SUSD4: variants seen among roughly 807,000 people sequenced by gnomAD.
SUSD4 encodes sushi domain containing 4, also known as sushi domain-containing protein 4.
SUSD4 carries 41 observed loss-of-function variants against 50.5 expected under a neutral mutation model. That is an observed-to-expected ratio of 0.81 (90% CI 0.63 to 1.05). SUSD4 has a LOEUF of 1.05. SUSD4 is among the 50% of genes least tolerant of loss of function. SUSD4 has a pLI of 0.00. For synonymous variants in SUSD4, 257 were observed against 257.3 expected, an observed-to-expected ratio of 1.00 and a Z score of 0.01; for missense variants, 580 against 634.7, an observed-to-expected ratio of 0.91 and a Z score of 0.93.
chr1:223,309,856 G>A (rs1215024909), intron 2 of SUSD4, among the ~76,000 whole-genome samples: 1 of 152,134 alleles, frequency 6.6e-6, no homozygotes, highest in Non-Finnish European at 1.5e-5. Context: ...CATAAATCAT[G>A]GATAATTTGG....
At chr1:223,252,187 G>A (rs1192752147) in intron 5 of SUSD4, among the ~76,000 whole-genome samples, 2 of 145,400 alleles carry the variant, frequency 1.4e-5, no homozygotes, top group African/African-American at 5.2e-5. Context: ...CCTGCACGTT[G>A]TGCACATGTA....
At chr1:223,326,217 C>G (rs1294816604) in intron 2 of SUSD4, among the ~76,000 whole-genome samples, 7 of 152,156 alleles carry the variant, frequency 4.6e-5, no homozygotes, top group African/African-American at 1.7e-4. Context: ...GCCAACTGAT[C>G]TTCAACAAGG....
chr1:223,356,069 A>T (rs1160967753), intron 2 of SUSD4, among the ~76,000 whole-genome samples: 1 of 152,098 alleles, frequency 6.6e-6, no homozygotes, highest in Non-Finnish European at 1.5e-5. Flanking sequence ...ATTTTGTTTG[A>T]CTTCTCTGAT....
At chr1:223,335,950 A>G (rs1667432200) in intron 2 of SUSD4, among the ~76,000 whole-genome samples, 1 of 152,190 alleles carries the variant, frequency 6.6e-6, no homozygotes, top group African/African-American at 2.4e-5. Context: ...CTGTAGAAAG[A>G]AAATATTGCA....
intron 5 of SUSD4, among the ~76,000 whole-genome samples, chr1:223,262,153 T>C (rs1051889343): frequency 5.3e-5 from 8 of 152,148 alleles, no homozygotes; most frequent in African/African-American, 1.9e-4. Context: ...ACAGGTACCC[T>C]GAGTGTGACA....
intron 2 of SUSD4, among the ~76,000 whole-genome samples, chr1:223,296,456 C>A (rs561427491): frequency 6.6e-6 from 1 of 152,240 alleles, no homozygotes; most frequent in South Asian, 2.1e-4. Context: ...GATGTCTAGC[C>A]ATCAGCTGGA....
At chr1:223,263,770 A>G in intron 5 of SUSD4, 1 of 985,470 alleles carries the variant, frequency 1.0e-6, no homozygotes, top group Non-Finnish European at 1.2e-6. Flanking sequence ...ACTTGTAGAG[A>G]TGCTGTAAAC....
At chr1:223,350,836 C>T (rs73124209) in intron 2 of SUSD4, among the ~76,000 whole-genome samples, 9,605 of 152,190 alleles carry the variant, frequency 0.063, 1,011 homozygotes, top group African/African-American at 0.22. Context: ...AGGGTTTGCT[C>T]TCAGTCCTTC....
intron 5 of SUSD4, among the ~76,000 whole-genome samples, chr1:223,240,872 G>A (rs1275115078): frequency 6.6e-6 from 1 of 152,190 alleles, no homozygotes; most frequent in African/African-American, 2.4e-5. Flanking sequence ...AACTGGACAA[G>A]GTGTACCAGG....
intron 6 of SUSD4, among the ~76,000 whole-genome samples, chr1:223,228,666 G>C (rs1044644849): frequency 6.6e-6 from 1 of 152,132 alleles, no homozygotes; most frequent in African/African-American, 2.4e-5. Flanking sequence ...AGTGAGAGCA[G>C]GTGTTACCCA....
intron 2 of SUSD4, among the ~76,000 whole-genome samples, chr1:223,297,751 A>G (rs1664921015): frequency 6.6e-6 from 1 of 152,130 alleles, no homozygotes; most frequent in Admixed American, 6.5e-5. Context: ...GGTCTCCCTC[A>G]CTGGGCTGTG....
intron 4 of SUSD4, among the ~76,000 whole-genome samples, chr1:223,268,107 T>C (rs952914767): frequency 6.8e-6 from 1 of 147,298 alleles, no homozygotes; most frequent in Non-Finnish European, 1.5e-5. Flanking sequence ...TTTTCACCAC[T>C]ATTGAAATAA....
intron 5 of SUSD4, among the ~76,000 whole-genome samples, chr1:223,256,249 G>A (rs1261133751): frequency 3.3e-5 from 5 of 152,148 alleles, no homozygotes; most frequent in East Asian, 3.9e-4. Flanking sequence ...TCAGGTGGCC[G>A]GGCTGGTCTC....
intron 2 of SUSD4, chr1:223,359,056 C>T: frequency 2.1e-6 from 1 of 471,140 alleles, no homozygotes; most frequent in South Asian, 1.5e-5. Flanking sequence ...AATTCAGCTG[C>T]ACTAGGACCA....
At chr1:223,267,990 T>G (rs867783801) in intron 4 of SUSD4, among the ~76,000 whole-genome samples, 11 of 126,874 alleles carry the variant, frequency 8.7e-5, no homozygotes, top group South Asian at 2.6e-4. Flanking sequence ...AATTTGATAA[T>G]TTTTCTGCTC....
Position 223,332,614 on chromosome 1 carries a change from A to AAC in SUSD4, c.148+30662_148+30663dup, listed in dbSNP as rs1667235526. Among the ~76,000 whole-genome samples, 2 of 152,334 alleles carry AAC rather than the reference A, an allele frequency of 1.3e-5. No homozygotes were observed. Among genetic ancestry groups the AAC allele is most frequent in the African/African-American group, 4.8e-5 (2 of 41,570 alleles). ...GTAAAAAATACATCTCAGGCACTGA[A>AAC]ACATGGCCTGACCACACTGTAGCAA... On this transcript the variant is annotated intron_variant, in intron 2 of 8. Coordinates refer to ENST00000366878, the MANE Select transcript of SUSD4 (RefSeq NM_017982.4). This position sits in a 1 kb window ranked among gnomAD's most constrained non-coding sequence, Gnocchi z 4.0.
intron 5 of SUSD4, among the ~76,000 whole-genome samples, chr1:223,261,738 C>T (rs540585253): frequency 3.2e-4 from 48 of 152,238 alleles, no homozygotes; most frequent in Admixed American, 1.3e-3. Flanking sequence ...GTCTGGAGAC[C>T]GTATTCACAG....
intron 2 of SUSD4, among the ~76,000 whole-genome samples, chr1:223,356,170 T>C (rs1041812293): frequency 1.3e-5 from 2 of 152,056 alleles, no homozygotes; most frequent in African/African-American, 4.8e-5. Context: ...TTCTATTTTT[T>C]TTTTTTCTTG....
intron 4 of SUSD4, among the ~76,000 whole-genome samples, chr1:223,265,812 T>G (rs1558195205): frequency 6.6e-6 from 1 of 152,216 alleles, no homozygotes; most frequent in South Asian, 2.1e-4. Context: ...ATAATGACAC[T>G]GCAGAGCCGG....
Sources: gnomAD v4.1 joint callset for allele counts (sites outside exome capture counted in the v4.1 genomes callset) on GRCh38, gnomAD v4.1.1 for gene constraint, Gnocchi (gnomAD v3.1) non-coding constraint, MANE v1.5 for transcripts, NCBI Gene and HGNC (gene_info 2026-07-23, HGNC 2026-07-21) for gene names.